The following PCDH11X variants were observed in gnomAD, a reference collection of about 807,000 sequenced individuals.
The protein encoded by PCDH11X is protocadherin 11 X-linked.
A neutral mutation model predicts 53.3 loss-of-function variants in PCDH11X; 18 were observed. The observed-to-expected ratio is 0.34, with a 90% CI of 0.23 to 0.50. PCDH11X has a LOEUF of 0.50. Ranked by LOEUF, PCDH11X falls within the 20% of genes least tolerant of loss-of-function variation. PCDH11X has a pLI of 0.98. For missense variants in PCDH11X, 570 were observed against 1,032.4 expected (o/e 0.55, Z 6.14); for synonymous variants, 279 against 393.3 (o/e 0.71, Z 3.44).
At chrX:92,526,693 TA>T (rs2074458172) in intron 10 of PCDH11X, among the ~76,000 whole-genome samples, 1 of 106,008 alleles carries the variant, frequency 9.4e-6, no homozygotes. Flanking sequence ...AAATGTAAAT[TA>T]GTACAACCAC....
rs1320106371 is a variant in PCDH11X, at chrX:92,148,780, A to G, written c.3034-52595A>G. 1.5e-3 allele frequency among the ~76,000 whole-genome samples: 158 copies of G among 105,211 alleles called. 1 individual carries two copies. Among genetic ancestry groups the G allele is most frequent in the African/African-American group, 4.7e-3 (134 of 28,445 alleles). 91.4% of individuals were successfully genotyped at this position (105,211 alleles called of 115,157 possible). A position where few individuals can be genotyped will look rare whatever the true frequency, so the allele number is the denominator to read the frequency against. ...TATGTTTATATATATATGTGTGTGT[A>G]TATATATATATATACACACACACAC... is the stretch of plus-strand genomic sequence containing the variant. On this transcript the variant is annotated intron_variant, in intron 6 of 10. Transcript: ENST00000682573.
At chrX:92,085,484 A>C (rs866190257) in intron 6 of PCDH11X, among the ~76,000 whole-genome samples, 1 of 105,139 alleles carries the variant, frequency 9.5e-6, no homozygotes, top group Non-Finnish European at 1.9e-5. Context: ...TTGGTTGCAA[A>C]AAAAAAAAAA....
chrX:91,919,784 A>C (rs1941687005), intron 6 of PCDH11X, among the ~76,000 whole-genome samples: 1 of 111,155 alleles, frequency 9.0e-6, no homozygotes, highest in African/African-American at 3.3e-5. Context: ...TAAAAAAAGA[A>C]AGTAAAAAAA....
In PCDH11X at chrX:92,432,252, T is replaced by C. The variant is rs183475356; in HGVS notation, c.3344-36047T>C. Among the ~76,000 whole-genome samples, 22 of 111,033 alleles carry C rather than the reference T, an allele frequency of 2.0e-4. No individual in the cohort carries two copies. In the East Asian group the frequency reaches 6.2e-3, roughly 31 times the overall value. ...AAAGTTTCTAATGATTAGTAATTTCTACAACCATCTGTATATTTATATTGG... is the reference window on the plus strand; with the variant it reads ...AAAGTTTCTAATGATTAGTAATTTCCACAACCATCTGTATATTTATATTGG... On this transcript the variant is annotated intron_variant, in intron 9 of 10. Transcript: ENST00000682573.
intron 5 of PCDH11X, among the ~76,000 whole-genome samples, chrX:91,875,305 A>AT (rs1939540686): frequency 1.2e-5 from 1 of 81,112 alleles, no homozygotes; most frequent in Admixed American, 1.6e-4. Flanking sequence ...TTTTTTTGAG[A>AT]CGAGTCTCAC....
chrX:92,472,639 A>T (rs1169189023), intron 10 of PCDH11X, among the ~76,000 whole-genome samples: 2 of 109,999 alleles, frequency 1.8e-5, no homozygotes, highest in Non-Finnish European at 3.8e-5. Flanking sequence ...ATATTTTTTT[A>T]AAAATTTATT....
At chrX:91,842,553 G>A (rs1052303425) in intron 5 of PCDH11X, among the ~76,000 whole-genome samples, 2 of 107,299 alleles carry the variant, frequency 1.9e-5, no homozygotes, top group South Asian at 3.8e-4. Context: ...TAAAAATATC[G>A]CTAGTTATCT....
At chrX:92,411,934 AGGG>A (rs751195161) in intron 9 of PCDH11X, among the ~76,000 whole-genome samples, 1 of 25,727 alleles carries the variant, frequency 3.9e-5, no homozygotes, top group African/African-American at 1.2e-4. Context: ...TGGGAGGAGG[AGGG>A]GGGAGGAGGA....
At chrX:92,188,152 G>T (rs1379240341) in intron 6 of PCDH11X, among the ~76,000 whole-genome samples, 1 of 111,221 alleles carries the variant, frequency 9.0e-6, no homozygotes, top group African/African-American at 3.3e-5. Flanking sequence ...GAGTAACTGG[G>T]GAAGTGATGA....
intron 7 of PCDH11X, among the ~76,000 whole-genome samples, chrX:92,240,680 T>A (rs1007496105): frequency 1.8e-5 from 2 of 111,838 alleles, no homozygotes; most frequent in East Asian, 2.8e-4. Flanking sequence ...CTATTACATT[T>A]TAAATGTCAA....
chrX:91,789,218 A>AG (rs1317594941), intron 1 of PCDH11X, among the ~76,000 whole-genome samples: 2 of 107,501 alleles, frequency 1.9e-5, no homozygotes, highest in African/African-American at 3.4e-5. Context: ...AAAAAAAAAA[A>AG]AAAAAGAAAA....
chrX:92,390,057 G>T (rs940925798), intron 9 of PCDH11X, among the ~76,000 whole-genome samples: 25 of 110,650 alleles, frequency 2.3e-4, no homozygotes, highest in Non-Finnish European at 4.2e-4. Flanking sequence ...TATATATTTT[G>T]CTGCTTATTA....
chrX:92,100,872 T>C (rs1246707520), intron 6 of PCDH11X, among the ~76,000 whole-genome samples: 2 of 110,300 alleles, frequency 1.8e-5, no homozygotes, highest in African/African-American at 6.6e-5. Flanking sequence ...AGATTTGTGG[T>C]AAGGGGTGAT....
chrX:92,069,850 T>C (rs1178261015), intron 6 of PCDH11X, among the ~76,000 whole-genome samples: 1 of 110,359 alleles, frequency 9.1e-6, no homozygotes, highest in Admixed American at 9.7e-5. Flanking sequence ...CCCATCCAAT[T>C]TTTGTATTTT....
chrX:92,608,218 T>C (rs1291110565), intron 10 of PCDH11X, among the ~76,000 whole-genome samples: 1 of 95,015 alleles, frequency 1.1e-5, no homozygotes, highest in African/African-American at 4.6e-5. Context: ...TTTTTTCTTT[T>C]CTGGAGACCT....
At chrX:92,062,788 C>A (rs181548384) in intron 6 of PCDH11X, among the ~76,000 whole-genome samples, 2 of 111,217 alleles carry the variant, frequency 1.8e-5, no homozygotes, top group African/African-American at 6.5e-5. Context: ...GACAGTGTGG[C>A]GATTCCTCAA....
chrX:91,953,313 C>T (rs2061665545), intron 6 of PCDH11X, among the ~76,000 whole-genome samples: 1 of 110,226 alleles, frequency 9.1e-6, no homozygotes. Flanking sequence ...TAAATATATA[C>T]ACCTACTATG....
intron 6 of PCDH11X, among the ~76,000 whole-genome samples, chrX:91,902,484 C>T (rs1940992646): frequency 9.9e-6 from 1 of 100,862 alleles, no homozygotes; most frequent in Admixed American, 1.1e-4. Flanking sequence ...GTGGTAATTT[C>T]ATCTGTCCAC....
chrX:92,557,645 C>T (rs963857764), intron 10 of PCDH11X, among the ~76,000 whole-genome samples: 5 of 108,952 alleles, frequency 4.6e-5, no homozygotes, highest in Non-Finnish European at 9.6e-5. Context: ...CCCTCCAAGC[C>T]TCTATGAAGG....
Sources: allele counts gnomAD v4.1 joint callset (sites outside exome capture counted in the v4.1 genomes callset), GRCh38; gene constraint gnomAD v4.1.1; transcripts MANE v1.5; gene names NCBI Gene and HGNC (gene_info 2026-07-23, HGNC 2026-07-21).